PSME4: variants seen among roughly 807,000 people sequenced by gnomAD.
The protein encoded by PSME4 is proteasome activator complex subunit 4.
PSME4 carries 89 observed loss-of-function variants against 253.9 expected under a neutral mutation model. The ratio of observed to expected loss-of-function variants is 0.35; its 90% CI spans 0.30 to 0.42. The LOEUF (loss-of-function observed/expected upper bound fraction) is 0.42. Among genes scored for constraint, PSME4 ranks in the 10% least tolerant of loss-of-function variants. The pLI is 1.00. For missense variants in PSME4, 2,014 were observed against 2,195.2 expected, an observed-to-expected ratio of 0.92 and a Z score of 1.65; for synonymous variants, 851 against 759.2, an observed-to-expected ratio of 1.12 and a Z score of -1.99.
At chr2:53,936,406 T>C (rs1000658513) in intron 6 of PSME4, among the ~76,000 whole-genome samples, 5 of 152,146 alleles carry the variant, frequency 3.3e-5, no homozygotes, top group Admixed American at 2.0e-4. Context: ...ACAATGAATA[T>C]AGAAAAGGAA....
intron 20 of PSME4, among the ~76,000 whole-genome samples, chr2:53,912,376 C>T (rs1020598170): frequency 6.6e-6 from 1 of 152,178 alleles, no homozygotes; most frequent in African/African-American, 2.4e-5. Context: ...TCTTATCCAC[C>T]ATAATTTGAT....
chr2:53,883,080 A>C (rs1248421145), intron 41 of PSME4, among the ~76,000 whole-genome samples: 1 of 152,206 alleles, frequency 6.6e-6, no homozygotes, highest in Admixed American at 6.5e-5. Flanking sequence ...ATGGTAGTTT[A>C]TGAATATTTC....
intron 4 of PSME4, among the ~76,000 whole-genome samples, chr2:53,937,868 C>A (rs1163670148): frequency 3.9e-5 from 6 of 151,988 alleles, no homozygotes; most frequent in African/African-American, 1.5e-4. Context: ...CGGCGCACAT[C>A]TGTAGTCCCA....
chr2:53,958,499 A>G (rs1670336235), intron 1 of PSME4, among the ~76,000 whole-genome samples: 1 of 152,222 alleles, frequency 6.6e-6, no homozygotes, highest in South Asian at 2.1e-4. Flanking sequence ...TGGGATTATA[A>G]CCAAGAGAAA....
At chr2:53,962,221 C>A (rs937674293) in intron 1 of PSME4, among the ~76,000 whole-genome samples, 6 of 152,088 alleles carry the variant, frequency 3.9e-5, no homozygotes, top group Non-Finnish European at 7.4e-5. Flanking sequence ...AGAGAAGTTA[C>A]TATTTATTCC....
At position 53,896,787 on chromosome 2, in the gene PSME4, C is replaced by T. The variant is rs1266371323; in HGVS notation, c.3688+17G>A. On this transcript the variant is annotated intron_variant, in intron 32 of 46. Transcript: ENST00000404125. The stretch of plus-strand genomic sequence containing the variant: ...TTTTATTGGAAAGCACTATTAATTA[C>T]TTCTGGTAGTACTCACTGATTTCAC... 6.4e-7 allele frequency: 1 copy of T among 1,571,376 alleles called. No homozygotes were observed. The highest frequency in any genetic ancestry group is 1.4e-5 in the African/African-American group (1 of 73,888).
At chr2:53,869,092 A>G (rs899389162) in intron 44 of PSME4, among the ~76,000 whole-genome samples, 12 of 152,164 alleles carry the variant, frequency 7.9e-5, no homozygotes, top group African/African-American at 2.9e-4. Flanking sequence ...CTAATTCTGA[A>G]TATCTCTTTT....
chr2:53,961,124 A>G (rs1670478927), intron 1 of PSME4, among the ~76,000 whole-genome samples: 1 of 152,086 alleles, frequency 6.6e-6, no homozygotes, highest in African/African-American at 2.4e-5. Flanking sequence ...GAGAGAGAAG[A>G]AATGTTAAGT....
intron 1 of PSME4, among the ~76,000 whole-genome samples, chr2:53,965,246 A>ATTTTTT (rs35223836): frequency 7.1e-6 from 1 of 141,518 alleles, no homozygotes; most frequent in Non-Finnish European, 1.5e-5. Flanking sequence ...AGGCCAAGTG[A>ATTTTTT]TTTTTTTTTT....
chr2:53,902,609 T>C (rs371123440), intron 27 of PSME4, among the ~76,000 whole-genome samples: 59 of 152,256 alleles, frequency 3.9e-4, no homozygotes, highest in African/African-American at 1.3e-3. Flanking sequence ...ACTGCTCTCA[T>C]TAAGGTCAAC....
intron 43 of PSME4, among the ~76,000 whole-genome samples, chr2:53,873,196 G>A (rs1016707964): frequency 1.2e-4 from 17 of 146,532 alleles, no homozygotes; most frequent in East Asian, 4.0e-4. Context: ...AGCTGAGAGC[G>A]TGCCACTGCA....
At chr2:53,895,789 TATTACCAA>T (rs1218380876) in intron 32 of PSME4, 53 bp from the exon 33 acceptor site, 58 of 1,465,246 alleles carry the variant, frequency 4.0e-5, no homozygotes, top group Non-Finnish European at 5.2e-5. Flanking sequence ...GCCCAACAAT[TATTACCAA>T]ATTTCAATCA....
chr2:53,899,845 A>G (rs1680312297), intron 29 of PSME4, 36 bp downstream of exon 29: 1 of 1,606,062 alleles, frequency 6.2e-7, no homozygotes, highest in African/African-American at 1.3e-5. Context: ...TACTATCTAT[A>G]ATGTCATCTA....
intron 1 of PSME4, 32 bp downstream of exon 1, chr2:53,970,511 C>G (rs187639488): frequency 6.5e-7 from 1 of 1,547,740 alleles, no homozygotes; most frequent in Admixed American, 2.0e-5. Flanking sequence ...GCCTTTCCCC[C>G]CGGCCCGGCC....
chr2:53,944,054 G>C (rs1669586379), intron 3 of PSME4, among the ~76,000 whole-genome samples: 1 of 152,100 alleles, frequency 6.6e-6, no homozygotes, highest in Non-Finnish European at 1.5e-5. Context: ...CTTGAACTAA[G>C]TATTTTTTAA....
At position 53,940,940 on chromosome 2, in the gene PSME4, AATATATATATACATATATATAT is replaced by A. The variant is rs1394098144; in HGVS notation, c.501-962_501-941del. On this transcript the variant is annotated intron_variant, in intron 3 of 46. Coordinates refer to ENST00000404125, the MANE Select transcript of PSME4 (RefSeq NM_014614.3). ...TAAATATATATATAATACATATATA[AATATATATATACATATATATAT>A]ATATATATATATATATATATATATA... Among the ~76,000 whole-genome samples the A allele has an allele frequency of 3.8e-3, 195 of 51,298 alleles. 13 individuals carry two copies. The highest frequency in any genetic ancestry group is 0.018 in the African/African-American group (180 of 9,960). 33.7% of individuals were successfully genotyped at this position (51,298 alleles called of 152,430 possible). A position where few individuals can be genotyped will look rare whatever the true frequency, so the allele number is the denominator to read the frequency against.
chr2:53,967,480 A>G (rs537181559), intron 1 of PSME4, among the ~76,000 whole-genome samples: 1 of 151,690 alleles, frequency 6.6e-6, no homozygotes, highest in Non-Finnish European at 1.5e-5. Context: ...CGTCTCTACT[A>G]AAAATACAAA....
At chr2:53,940,052 T>C (rs780506026) in intron 3 of PSME4, 52 bp from the exon 4 acceptor site, 3 of 1,297,942 alleles carry the variant, frequency 2.3e-6, no homozygotes, top group Non-Finnish European at 3.2e-6. Flanking sequence ...TAAGAACATA[T>C]CTAATTCAAT....
At position 53,921,123 on chromosome 2, in the gene PSME4, T is replaced by A. The variant is rs772954815; in HGVS notation, c.2047-19A>T. The A allele has an allele frequency of 6.2e-7, 1 of 1,611,760 alleles. No individual in the cohort carries two copies. Among genetic ancestry groups the A allele is most frequent in the Admixed American group, 1.7e-5 (1 of 59,558 alleles). On this transcript the variant is annotated intron_variant, in intron 17 of 46. Transcript: ENST00000404125. ...GAGTAATCTAAAAGGAGGGAAAAAA[T>A]AGTTGAAGATATTTTGGTTAAAAGA...
Sources: allele counts gnomAD v4.1 joint callset (sites outside exome capture counted in the v4.1 genomes callset), GRCh38; gene constraint gnomAD v4.1.1; transcripts MANE v1.5; gene names NCBI Gene and HGNC (gene_info 2026-07-23, HGNC 2026-07-21).